RPS6KA4: variants seen among roughly 807,000 people sequenced by gnomAD.
RPS6KA4 encodes ribosomal protein S6 kinase A4.
RPS6KA4 carries 38 observed loss-of-function variants against 89.6 expected under a neutral mutation model. That is an observed-to-expected ratio of 0.42 (90% confidence interval 0.33 to 0.56). The LOEUF (loss-of-function observed/expected upper bound fraction) is 0.56. RPS6KA4 is among the 20% of genes least tolerant of loss of function. RPS6KA4 has a pLI of 0.07. For missense variants in RPS6KA4, 873 were observed against 1,098.8 expected, an observed-to-expected ratio of 0.79 and a Z score of 2.90; for synonymous variants, 495 against 492.8, an observed-to-expected ratio of 1.00 and a Z score of -0.06.
chr11:64,361,299 C>T lies in RPS6KA4; in HGVS notation c.570+58C>T, dbSNP rs1266707399. On this transcript the variant is annotated intron_variant, in intron 5 of 16. Transcript: ENST00000334205. This position sits in a 1 kb window ranked among gnomAD's most constrained non-coding sequence, Gnocchi z 4.7. ...CATTCAATCCTTCTCCTTCCTGCCT[C>T]TTCCTGCTCTGGGCCTGCATTCTGG... 6.6e-7 allele frequency: 1 copy of T among 1,525,750 alleles called. No homozygotes were observed. The highest frequency in any genetic ancestry group is 9.1e-7 in the Non-Finnish European group (1 of 1,104,862). The allele number at this position is 1,525,750 out of a possible 1,614,324, so 94.5% of individuals were successfully genotyped here. A position where few individuals can be genotyped will look rare whatever the true frequency, so the allele number is the denominator to read the frequency against.
intron 8 of RPS6KA4, among the ~76,000 whole-genome samples, chr11:64,363,641 A>G (rs2135332319): frequency 6.6e-6 from 1 of 151,946 alleles, no homozygotes; most frequent in East Asian, 1.9e-4. Flanking sequence ...ACAGGTGCGC[A>G]CCATCATGGC....
intron 9 of RPS6KA4, among the ~76,000 whole-genome samples, chr11:64,366,127 A>T (rs1479402355): frequency 6.6e-6 from 1 of 151,728 alleles, no homozygotes; most frequent in African/African-American, 2.4e-5. Flanking sequence ...TGCCCTTGGC[A>T]TAGCATGGTA....
chr11:64,369,902 C>G lies in RPS6KA4; in HGVS notation c.1797+9C>G. 6.6e-7 allele frequency: 1 copy of G among 1,526,174 alleles called. No individual in the cohort carries two copies. The highest frequency in any genetic ancestry group is 1.2e-5 in the South Asian group (1 of 82,802). The allele number at this position is 1,526,174 out of a possible 1,614,324, so 94.5% of individuals were successfully genotyped here. A position where few individuals can be genotyped will look rare whatever the true frequency, so the allele number is the denominator to read the frequency against. The stretch of plus-strand genomic sequence containing the variant: ...GCCTGGGCGTCATTCTGGTATGGGA[C>G]GCGGTCCTTGAGGCGGGGTCAGGGT... On this transcript the variant is annotated intron_variant, in intron 14 of 16. Coordinates refer to ENST00000334205, the MANE Select transcript of RPS6KA4 (RefSeq NM_003942.3).
chr11:64,359,588 C>G (rs1440200799), intron 2 of RPS6KA4, 139 bp downstream of exon 2: 1 of 868,146 alleles, frequency 1.2e-6, no homozygotes, highest in African/African-American at 1.7e-5. Context: ...CTGCCCCGCC[C>G]TGCCTCGCCA....
Position 64,361,897 on chromosome 11 carries a change from C to G in RPS6KA4, c.801C>G (p.Pro267=), listed in dbSNP as rs56073814. 2 of 1,612,912 alleles carry G rather than the reference C, an allele frequency of 1.2e-6. No individual in the cohort carries two copies. The highest frequency in any genetic ancestry group is 2.2e-5 in the East Asian group (1 of 44,864). The change falls in exon 8 of 17, where the codon CCC becomes CCG. Residue 267 remains proline (P), a synonymous_variant. Transcript: ENST00000334205. The surrounding 1 kb of genome is among the most constrained non-coding windows in gnomAD (Gnocchi z 4.7). ...CTCCCTTCCCCCCTCGGATCGGGCC[C>G]GTGGCGCAGGACCTGCTGCAGCGGC... The part of the protein sequence containing the change: ...CSPPFPPRIG[P]VAQDLLQRLL...
At chr11:64,359,937 T>G (rs1395695962) in intron 2 of RPS6KA4, 4 of 579,342 alleles carry the variant, frequency 6.9e-6, no homozygotes, top group Non-Finnish European at 1.2e-5. Flanking sequence ...AGATGCATGC[T>G]CCCCAGCCTG....
chr11:64,360,851 T>A (rs980952382), intron 4 of RPS6KA4: 8 of 573,852 alleles, frequency 1.4e-5, no homozygotes, highest in Non-Finnish European at 3.1e-6. Context: ...CAGAACTTCC[T>A]CAAATGGAAA....
Position 64,371,370 on chromosome 11 carries a change from A to G in RPS6KA4, c.2209A>G (p.Ser737Gly). 1 of 1,612,442 alleles carries G rather than the reference A, an allele frequency of 6.2e-7. No individual in the cohort carries two copies. The highest frequency in any genetic ancestry group is 1.1e-5 in the South Asian group (1 of 91,066). ...LAKRRKQKLR[S>G]ATASRRGSPA... Reference sequence around the variant, plus strand: ...CAAGCGGCGGAAGCAGAAGCTGCGGAGCGCCACCGCCTCCCGCCGGGGCTC... The same window carrying G: ...CAAGCGGCGGAAGCAGAAGCTGCGGGGCGCCACCGCCTCCCGCCGGGGCTC... Residue 737 changes from serine (S) to glycine (G), a missense_variant, in exon 17 of 17, where the codon AGC becomes GGC. Around this residue, in one of 4 missense-constraint regions of RPS6KA4, gnomAD observed 278 missense variants for 284.8 expected, o/e 0.98. Transcript: ENST00000334205.
rs1591321877 is a variant in RPS6KA4 at position 64,370,687 on chromosome 11, T to TG, written c.2085dup (p.Pro696AlafsTer108). ...GGACGCCCGACGTGCTCGAGTCCTC[T>TG]GGGCCCGCAGTGCGCTCGGGTCTCA... On this transcript the variant is annotated frameshift_variant, in exon 16 of 17. Transcript: ENST00000334205. LOFTEE classifies it high-confidence loss of function. The surrounding 1 kb of genome is among the most constrained non-coding windows in gnomAD (Gnocchi z 4.1). The TG allele has an allele frequency of 6.4e-7, 1 of 1,571,894 alleles. No individual in the cohort carries two copies. Among genetic ancestry groups the TG allele is most frequent in the Non-Finnish European group, 8.6e-7 (1 of 1,164,722 alleles).
Position 64,369,430 on chromosome 11 carries a change from G to T in RPS6KA4, c.1429-16G>T, listed in dbSNP as rs772217301. ...CGTGGGTGGGTGTTGACCTTGGCCC[G>T]CCACGCCGCCCGCAGCTGCACACGT... On this transcript the variant is annotated splice_polypyrimidine_tract_variant and intron_variant, in intron 12 of 16. Coordinates refer to ENST00000334205, the MANE Select transcript of RPS6KA4 (RefSeq NM_003942.3). 2.4e-5 allele frequency: 38 copies of T among 1,575,120 alleles called. No homozygotes were observed. In the East Asian group the frequency reaches 8.5e-4, roughly 35 times the overall value.
rs757067643 is a variant in RPS6KA4 at position 64,360,525 on chromosome 11, A to G, written c.395A>G (p.Tyr132Cys). ...EMFTHLYQRQ[Y>C]FKEAEVRVYG... ...TTCACCCACCTCTACCAGCGCCAGTACTTCAAGGAGGCTGAGGTGCGCGTG... is the reference window on the plus strand; with the variant it reads ...TTCACCCACCTCTACCAGCGCCAGTGCTTCAAGGAGGCTGAGGTGCGCGTG... The change falls in exon 4 of 17, where the codon TAC (tyrosine) becomes TGC (cysteine). Residue 132 changes from tyrosine (Y) to cysteine (C), a missense_variant. Physicochemically the swap from Tyr to Cys is radical, Grantham distance 194. Coordinates refer to ENST00000334205, the MANE Select transcript of RPS6KA4 (RefSeq NM_003942.3). 16 of 1,612,678 alleles carry G rather than the reference A, an allele frequency of 9.9e-6. No homozygotes were observed. In the South Asian group the frequency reaches 1.5e-4, roughly 16 times the overall value.
Position 64,369,839 on chromosome 11 carries a change from G to A in RPS6KA4, c.1743G>A (p.Leu581=), listed in dbSNP as rs1172227883. Residue 581 remains leucine (L), a synonymous_variant, in exon 14 of 17, where the codon CTG becomes CTA. Transcript: ENST00000334205. The part of the protein sequence containing the change: ...FTLQYAAPEL[L]AQQGYDESCD... ...TGCAGTACGCTGCCCCCGAGCTGCT[G>A]GCGCAGCAGGGCTACGACGAGTCCT... 5 of 1,585,062 alleles carry A rather than the reference G, an allele frequency of 3.2e-6. No individual in the cohort carries two copies. Among genetic ancestry groups the A allele is most frequent in the Admixed American group, 1.8e-5 (1 of 55,714 alleles).
intron 12 of RPS6KA4, 29 bp from the exon 13 acceptor site, chr11:64,369,417 T>G: frequency 6.4e-7 from 1 of 1,555,704 alleles, no homozygotes; most frequent in South Asian, 1.2e-5. Context: ...TGGGTGGGTG[T>G]TGACCTTGGC....
chr11:64,365,952 T>C (rs1357349222), intron 9 of RPS6KA4, among the ~76,000 whole-genome samples: 1 of 151,192 alleles, frequency 6.6e-6, no homozygotes, highest in Non-Finnish European at 1.5e-5. Context: ...GGTGAGAGAA[T>C]CCCTTGAACC....
chr11:64,370,780 G>A lies in RPS6KA4; in HGVS notation c.2121+54G>A, dbSNP rs2037044696. 2 of 1,459,602 alleles carry A rather than the reference G, an allele frequency of 1.4e-6. No homozygotes were observed. Among genetic ancestry groups the A allele is most frequent in the South Asian group, 1.4e-5 (1 of 73,280 alleles). 90.4% of individuals were successfully genotyped at this position (1,459,602 alleles called of 1,614,324 possible). On this transcript the variant is annotated intron_variant, in intron 16 of 16. Coordinates refer to ENST00000334205, the MANE Select transcript of RPS6KA4 (RefSeq NM_003942.3). The surrounding 1 kb of genome is among the most constrained non-coding windows in gnomAD (Gnocchi z 4.1). ...GGGTGGGCGAAGCCTCGAGAGGTGG[G>A]GTCTGGGGAGGCCCGGCCATCGGAG...
rs1241759385 is a variant in RPS6KA4 at position 64,370,337 on chromosome 11, G to C, written c.1910G>C (p.Gly637Ala). The change falls in exon 15 of 17, where the codon GGG becomes GCG. Residue 637 changes from glycine to alanine, a missense_variant. By Grantham distance (60) the Gly-to-Ala change is moderately conservative. Coordinates refer to ENST00000334205, the MANE Select transcript of RPS6KA4 (RefSeq NM_003942.3). This position sits in a 1 kb window ranked among gnomAD's most constrained non-coding sequence, Gnocchi z 4.1. ...CGCGAGGGGCGCTTCTCCCTTGACG[G>C]GGAGGCCTGGCAGGGTGTATCCGAG... ...KIREGRFSLD[G>A]EAWQGVSEEA... is the part of the protein sequence containing the mutation. 6.2e-7 allele frequency: 1 copy of C among 1,604,970 alleles called. No homozygotes were observed. The highest frequency in any genetic ancestry group is 1.3e-5 in the African/African-American group (1 of 74,312).
chr11:64,366,229 G>C (rs533833928), intron 9 of RPS6KA4, among the ~76,000 whole-genome samples: 19 of 150,210 alleles, frequency 1.3e-4, no homozygotes, highest in Admixed American at 9.3e-4. Flanking sequence ...GGAGTGCAGT[G>C]GCTAGATCTT....
chr11:64,359,597 CAG>C (rs1240008455), intron 2 of RPS6KA4, 148 bp downstream of exon 2: 3 of 782,860 alleles, frequency 3.8e-6, no homozygotes, highest in Non-Finnish European at 6.1e-6. Flanking sequence ...CCTGCCTCGC[CAG>C]AGTTTGCATG....
intron 9 of RPS6KA4, among the ~76,000 whole-genome samples, chr11:64,366,077 A>G (rs565009173): frequency 6.6e-6 from 1 of 151,874 alleles, no homozygotes; most frequent in East Asian, 1.9e-4. Flanking sequence ...TCTCACGTGG[A>G]CACCTAGGAG....
Sources: allele counts gnomAD v4.1 joint callset (sites outside exome capture counted in the v4.1 genomes callset), GRCh38; gene constraint gnomAD v4.1.1; regional missense constraint gnomAD v4.1.1; non-coding constraint Gnocchi (gnomAD v3.1); transcripts MANE v1.5; gene names NCBI Gene and HGNC (gene_info 2026-07-23, HGNC 2026-07-21).